HS1BP3: variants seen among roughly 807,000 people sequenced by gnomAD.
HS1BP3 encodes HCLS1 binding protein 3, also known as HCLS1-binding protein 3.
Under a neutral mutation model 33.5 loss-of-function variants are expected in HS1BP3, and 32 were observed. The observed-to-expected ratio is 0.95, with a 90% confidence interval of 0.72 to 1.28. The LOEUF (loss-of-function observed/expected upper bound fraction) is 1.28, where lower values mean the gene tolerates loss of function less well. Ranked by LOEUF, HS1BP3 falls within the 50% of genes most tolerant of loss-of-function variation. The probability of loss-of-function intolerance (pLI) is 0.00; values close to 1 mark genes in which losing one functional copy is unlikely to be tolerated. For missense variants in HS1BP3, 486 were observed against 502.3 expected (o/e 0.97, Z 0.31); for synonymous variants, 187 against 209.2 (o/e 0.89, Z 0.92).
At chr2:20,559,982 C>T (rs1483184388), downstream of HS1BP3, among the ~76,000 whole-genome samples, 2 of 151,608 alleles carry the variant, frequency 1.3e-5, no homozygotes, top group Non-Finnish European at 2.9e-5. Context: ...TCTCTAAATC[C>T]TTAGCAGCGG....
chr2:20,595,100 C>G (rs1420480370), intron 3 of HS1BP3, among the ~76,000 whole-genome samples: 1 of 152,192 alleles, frequency 6.6e-6, no homozygotes, highest in Non-Finnish European at 1.5e-5. Context: ...ACAGCTGGAG[C>G]AGGGAGTGAG....
At chr2:20,585,858 T>G (rs2149277317) in intron 5 of HS1BP3, among the ~76,000 whole-genome samples, 1 of 152,302 alleles carries the variant, frequency 6.6e-6, no homozygotes, top group Non-Finnish European at 1.5e-5. Flanking sequence ...GCACGGCACC[T>G]ACTGTGTGCC....
At chr2:20,602,717 A>C (rs961141982) in intron 2 of HS1BP3, among the ~76,000 whole-genome samples, 5 of 152,254 alleles carry the variant, frequency 3.3e-5, no homozygotes, top group African/African-American at 1.2e-4. Context: ...CCATGAGGAA[A>C]AACTAGATAA....
intron 5 of HS1BP3, among the ~76,000 whole-genome samples, chr2:20,567,713 C>T (rs1693170265): frequency 2.6e-5 from 4 of 152,174 alleles, no homozygotes; most frequent in African/African-American, 7.2e-5. Flanking sequence ...GAGGACTGAC[C>T]GCAGGCTAGA....
chr2:20,571,455 A>G (rs1354601885), intron 5 of HS1BP3, among the ~76,000 whole-genome samples: 3 of 151,998 alleles, frequency 2.0e-5, no homozygotes, highest in African/African-American at 7.3e-5. Flanking sequence ...CACTCCCCAC[A>G]TTGTTCGACT....
intron 5 of HS1BP3, among the ~76,000 whole-genome samples, chr2:20,567,004 C>T (rs12328527): frequency 0.031 from 4,666 of 152,198 alleles, 217 homozygotes; most frequent in African/African-American, 0.11. Flanking sequence ...CTACTCTGTC[C>T]CCCTCTCAGA....
At chr2:20,633,124 A>G (rs549227476) in intron 4 of HS1BP3, among the ~76,000 whole-genome samples, 1 of 152,248 alleles carries the variant, frequency 6.6e-6, no homozygotes, top group Admixed American at 6.5e-5. Flanking sequence ...CAACGCACTC[A>G]GCGTCCGCCA....
At chr2:20,557,005 C>T (rs1199048775), downstream of HS1BP3, among the ~76,000 whole-genome samples, 2 of 152,190 alleles carry the variant, frequency 1.3e-5, no homozygotes, top group South Asian at 2.1e-4. Flanking sequence ...CCATGCCTTC[C>T]TGTCTTTCAG....
intron 3 of HS1BP3, 133 bp from the exon 4 acceptor site, chr2:20,638,785 TCCCTCC>T: frequency 1.5e-6 from 1 of 686,768 alleles, no homozygotes; most frequent in Non-Finnish European, 2.4e-6. Flanking sequence ...ACCAAACTCG[TCCCTCC>T]TGGGACCTAA....
At chr2:20,598,681 C>T (rs1340536433) in intron 2 of HS1BP3, among the ~76,000 whole-genome samples, 3 of 148,114 alleles carry the variant, frequency 2.0e-5, no homozygotes, top group Non-Finnish European at 4.5e-5. Context: ...GCCTCAGCCT[C>T]CCGAGTAGCT....
chr2:20,594,619 G>T lies in HS1BP3; in HGVS notation c.*13-1825C>A, dbSNP rs1335268452. Among the ~76,000 whole-genome samples the T allele has an allele frequency of 2.0e-5, 3 of 152,216 alleles. No homozygotes were observed. In the South Asian group the frequency reaches 6.2e-4, roughly 32 times the overall value. On this transcript the variant is annotated intron_variant, in intron 3 of 3. Coordinates refer to the HS1BP3 transcript ENST00000415264. ...CAGCAACAAGGCCAGCCTCTAGCTGGGCCTAGCCAAGTGCCCTCTGAGACT... is the reference window on the plus strand; with the variant it reads ...CAGCAACAAGGCCAGCCTCTAGCTGTGCCTAGCCAAGTGCCCTCTGAGACT...
chr2:20,564,919 C>T (rs1352601865), intron 5 of HS1BP3, among the ~76,000 whole-genome samples: 1 of 152,218 alleles, frequency 6.6e-6, no homozygotes, highest in Non-Finnish European at 1.5e-5. Flanking sequence ...CAGAGGGTGG[C>T]ATCAGCCTCC....
downstream of HS1BP3, among the ~76,000 whole-genome samples, chr2:20,616,097 C>T (rs1331236080): frequency 6.6e-6 from 1 of 152,186 alleles, no homozygotes; most frequent in African/African-American, 2.4e-5. Flanking sequence ...CAACAGGCTT[C>T]GAAATAAACA....
intron 5 of HS1BP3, among the ~76,000 whole-genome samples, chr2:20,566,247 C>T (rs957479929): frequency 2.0e-5 from 3 of 152,222 alleles, no homozygotes; most frequent in African/African-American, 4.8e-5. Flanking sequence ...CTATAACTGC[C>T]CATCTCCCCC....
chr2:20,573,187 T>TG (rs1016515683), intron 5 of HS1BP3, among the ~76,000 whole-genome samples: 3 of 152,284 alleles, frequency 2.0e-5, no homozygotes, highest in African/African-American at 4.8e-5. Context: ...GGTCTTGGGA[T>TG]GAGACTTTTC....
In HS1BP3 at chr2:20,644,140, C is replaced by T. The variant is rs148904717; in HGVS notation, c.198+1200G>A. Among the ~76,000 whole-genome samples, 760 of 152,290 alleles carry T rather than the reference C, an allele frequency of 5.0e-3. 16 individuals are homozygous for T. The highest frequency in any genetic ancestry group is 0.043 in the Admixed American group (661 of 15,304). Reference sequence around the variant, plus strand: ...TAATCCTGGACCTGTGTCTCTTGGTCTCCAGCTGCAGGTCCTTTTCACAAG... The same window carrying T: ...TAATCCTGGACCTGTGTCTCTTGGTTTCCAGCTGCAGGTCCTTTTCACAAG... On this transcript the variant is annotated intron_variant, in intron 2 of 6. Transcript: ENST00000304031.
At chr2:20,622,142 G>A in intron 6 of HS1BP3, 1 of 1,255,156 alleles carries the variant, frequency 8.0e-7, no homozygotes, top group Non-Finnish European at 1.0e-6. Flanking sequence ...GGTGGCTGAG[G>A]CTAGTGACAG....
chr2:20,624,877 C>A lies in HS1BP3; in HGVS notation c.639G>T (p.Lys213Asn), dbSNP rs1047086028. The change falls in exon 5 of 7, where the codon AAG becomes AAT. Residue 213 changes from lysine to asparagine, a missense_variant. Physicochemically the swap from Lys to Asn is moderately conservative, Grantham distance 94. Coordinates refer to ENST00000304031, the MANE Select transcript of HS1BP3 (RefSeq NM_022460.4). ...PLGIMRSKKP[K>N]KHPKVAVKAK... Reference sequence around the variant, plus strand: ...CTTTCACGGCCACTTTGGGATGTTTCTTGGGCTTCTTGGAGCTGGAGAATC... The same window carrying A: ...CTTTCACGGCCACTTTGGGATGTTTATTGGGCTTCTTGGAGCTGGAGAATC... 1 of 1,613,578 alleles carries A rather than the reference C, an allele frequency of 6.2e-7. No homozygotes were observed. Among genetic ancestry groups the A allele is most frequent in the Non-Finnish European group, 8.5e-7 (1 of 1,179,970 alleles).
At chr2:20,555,598 G>GCAA (rs1692822798), downstream of HS1BP3, among the ~76,000 whole-genome samples, 1 of 152,098 alleles carries the variant, frequency 6.6e-6, no homozygotes, top group Admixed American at 6.5e-5. Flanking sequence ...TAGCCCAACA[G>GCAA]AGCCTTTGGG....
Sources: allele counts gnomAD v4.1 joint callset (sites outside exome capture counted in the v4.1 genomes callset), GRCh38; gene constraint gnomAD v4.1.1; transcripts MANE v1.5; gene names NCBI Gene and HGNC (gene_info 2026-07-23, HGNC 2026-07-21).